The following LNP1 variants were observed in gnomAD, a reference collection of about 807,000 sequenced individuals.
LNP1 encodes the protein leukemia NUP98 fusion partner 1.
In LNP1, 12 loss-of-function variants were observed where a neutral mutation model predicts 14.5. The ratio of observed to expected loss-of-function variants is 0.83; its 90% CI spans 0.53 to 1.34. The LOEUF (loss-of-function observed/expected upper bound fraction) is 1.34. LNP1 is among the 40% of genes most tolerant of loss of function. The pLI is 0.00. For synonymous variants in LNP1, 75 were observed against 71.4 expected, an observed-to-expected ratio of 1.05 and a Z score of -0.26; for missense variants, 198 against 210.9, an observed-to-expected ratio of 0.94 and a Z score of 0.38.
chr3:100,429,743 A>G lies in LNP1; in HGVS notation c.14A>G (p.Asp5Gly), dbSNP rs1707225501. Residue 5 changes from aspartate to glycine, a missense_variant, in exon 2 of 4, where the codon GAT becomes GGT. Physicochemically the swap from Asp to Gly is moderately conservative, Grantham distance 94 (BLOSUM62 -1). Transcript: ENST00000383693. MEHK[D>G]DDDDDVSFAK... Reference sequence around the variant, plus strand: ...CATCACCTTTACATGGAGCACAAAGATGATGATGATGATGATGTGTCTTTT... The same window carrying G: ...CATCACCTTTACATGGAGCACAAAGGTGATGATGATGATGATGTGTCTTTT... The G allele has an allele frequency of 1.3e-6, 2 of 1,597,214 alleles. No homozygotes were observed. Among genetic ancestry groups the G allele is most frequent in the Non-Finnish European group, 1.7e-6 (2 of 1,167,914 alleles).
In LNP1 at chr3:100,429,802, T is replaced by A. The variant is rs912072229; in HGVS notation, c.73T>A (p.Trp25Arg). 6.2e-7 allele frequency: 1 copy of A among 1,613,682 alleles called. No individual in the cohort carries two copies. The highest frequency in any genetic ancestry group is 8.5e-7 in the Non-Finnish European group (1 of 1,179,938). Residue 25 changes from tryptophan (W) to arginine (R), a missense_variant, in exon 2 of 4, where the codon TGG becomes AGG. By Grantham distance (101) the Trp-to-Arg change is moderately radical. Coordinates refer to ENST00000383693, the MANE Select transcript of LNP1 (RefSeq NM_001085451.2). Reference sequence around the variant, plus strand: ...GATGAGCAGCTTCTGGGGCCACAGCTGGAGAGAGGAGGATCAGAGAGGACT... The same window carrying A: ...GATGAGCAGCTTCTGGGGCCACAGCAGGAGAGAGGAGGATCAGAGAGGACT... ...KWMSSFWGHS[W>R]REEDQRGLRE...
At chr3:100,417,229 C>T (rs1008600947) in intron 1 of LNP1, among the ~76,000 whole-genome samples, 3 of 152,086 alleles carry the variant, frequency 2.0e-5, no homozygotes, top group African/African-American at 4.8e-5. Context: ...CTCTCCCTAT[C>T]TCTGCCCAGG....
chr3:100,408,459 C>T (rs770240129), intron 1 of LNP1, among the ~76,000 whole-genome samples: 32 of 152,238 alleles, frequency 2.1e-4, no homozygotes, highest in Admixed American at 8.5e-4. Flanking sequence ...CCAAAGCCCA[C>T]AGCTGCTGAG....
chr3:100,407,384 T>C (rs1463896905), intron 1 of LNP1, among the ~76,000 whole-genome samples: 1 of 152,196 alleles, frequency 6.6e-6, no homozygotes, highest in East Asian at 1.9e-4. Flanking sequence ...ACAGTCTTTT[T>C]TTTCCTTTAG....
rs1707508446 is a variant in LNP1 at position 100,456,103 on chromosome 3, C to T, written c.*177C>T. 1 of 571,546 alleles carries T rather than the reference C, an allele frequency of 1.7e-6. No individual in the cohort carries two copies. Among genetic ancestry groups the T allele is most frequent in the Admixed American group, 3.5e-5 (1 of 28,516 alleles). The allele number at this position is 571,546 out of a possible 1,614,324, so 35.4% of individuals were successfully genotyped here. A position where few individuals can be genotyped will look rare whatever the true frequency, so the allele number is the denominator to read the frequency against. ...AGGGTATGTAGCTGCTCCAAGATGA[C>T]TTGCATCATACCCCAATTACTGCTG... On this transcript the variant is annotated 3_prime_UTR_variant, in exon 4 of 4. Transcript: ENST00000383693.
intron 1 of LNP1, among the ~76,000 whole-genome samples, chr3:100,403,652 T>C (rs1706935747): frequency 1.3e-5 from 2 of 152,152 alleles, no homozygotes; most frequent in South Asian, 4.1e-4. Context: ...TTGGCCAAGC[T>C]GGTCTTGAAC....
At chr3:100,430,021 C>T in intron 2 of LNP1, 136 bp downstream of exon 2, 1 of 811,474 alleles carries the variant, frequency 1.2e-6, no homozygotes, top group Non-Finnish European at 1.9e-6. Flanking sequence ...TTCTCATACC[C>T]ACAGAAATCT....
At position 100,439,490 on chromosome 3, in the gene LNP1, T is replaced by G. The variant is rs529176408; in HGVS notation, c.156+9605T>G. ...TCTTCCATGGCAGTGGATCTGCCCA[T>G]GTGGTGCTCATCTCCAGGCAGAAAG... is the stretch of plus-strand genomic sequence containing the variant. On this transcript the variant is annotated intron_variant, in intron 2 of 3. Transcript: ENST00000383693. Among the ~76,000 whole-genome samples the G allele has an allele frequency of 3.3e-5, 5 of 152,312 alleles. No individual in the cohort carries two copies. In the East Asian group the frequency reaches 9.6e-4, roughly 29 times the overall value.
chr3:100,429,102 TTG>T (rs1284599604), intron 1 of LNP1, among the ~76,000 whole-genome samples: 3 of 152,374 alleles, frequency 2.0e-5, no homozygotes, highest in African/African-American at 7.2e-5. Context: ...TTACACGTAC[TTG>T]TATATTATTT....
chr3:100,454,424 A>G lies in LNP1; in HGVS notation c.388-1353A>G, dbSNP rs1285827960. Among the ~76,000 whole-genome samples the G allele has an allele frequency of 2.0e-5, 3 of 152,328 alleles. No homozygotes were observed. The East Asian group carries it at 5.8e-4, about 29-fold the overall frequency. The stretch of plus-strand genomic sequence containing the variant: ...ACTTTCCTAAGGCTAACTACATTAG[A>G]AAGTGTTCTTTTTCAGTAAATTTAA... On this transcript the variant is annotated intron_variant, in intron 3 of 3. Coordinates refer to ENST00000383693, the MANE Select transcript of LNP1 (RefSeq NM_001085451.2).
intron 1 of LNP1, among the ~76,000 whole-genome samples, chr3:100,413,926 C>T (rs941412388): frequency 2.6e-5 from 4 of 152,272 alleles, no homozygotes; most frequent in African/African-American, 9.6e-5. Flanking sequence ...CTAGTCTGTG[C>T]TTTTCCATCT....
intron 1 of LNP1, among the ~76,000 whole-genome samples, chr3:100,408,674 C>T (rs759619556): frequency 6.6e-6 from 1 of 152,154 alleles, no homozygotes; most frequent in Non-Finnish European, 1.5e-5. Context: ...GGCCTGAAGT[C>T]ATGGGTCATG....
intron 1 of LNP1, among the ~76,000 whole-genome samples, chr3:100,428,760 T>C (rs1707217123): frequency 6.6e-6 from 1 of 152,166 alleles, no homozygotes; most frequent in Admixed American, 6.6e-5. Context: ...TTTAAAAAAT[T>C]GTGACATGTT....
At chr3:100,407,060 ACTTTTAT>A (rs1197172107) in intron 1 of LNP1, among the ~76,000 whole-genome samples, 2 of 152,202 alleles carry the variant, frequency 1.3e-5, no homozygotes. Flanking sequence ...TAATTTTAAT[ACTTTTAT>A]CTTTTAGCCC....
chr3:100,408,033 C>T (rs1391807104), intron 1 of LNP1, among the ~76,000 whole-genome samples: 1 of 152,110 alleles, frequency 6.6e-6, no homozygotes, highest in Non-Finnish European at 1.5e-5. Flanking sequence ...GTTCTTTGAG[C>T]TTCTTTAAAA....
At chr3:100,434,341 GT>G (rs1436219525) in intron 2 of LNP1, among the ~76,000 whole-genome samples, 1 of 152,082 alleles carries the variant, frequency 6.6e-6, no homozygotes, top group African/African-American at 2.4e-5. Context: ...CCCATTGCTT[GT>G]TTCTGTCAGA....
intron 2 of LNP1, among the ~76,000 whole-genome samples, chr3:100,440,955 G>A (rs1031782184): frequency 6.6e-6 from 1 of 152,200 alleles, no homozygotes; most frequent in African/African-American, 2.4e-5. Context: ...AAAGATGAGG[G>A]AGTAGGGTTG....
At chr3:100,442,940 G>A (rs1707358135) in intron 2 of LNP1, among the ~76,000 whole-genome samples, 1 of 152,130 alleles carries the variant, frequency 6.6e-6, no homozygotes, top group Non-Finnish European at 1.5e-5. Context: ...GTCCTATGAA[G>A]AGAAAATAGG....
At chr3:100,450,974 C>T (rs1707432234) in intron 2 of LNP1, among the ~76,000 whole-genome samples, 1 of 152,192 alleles carries the variant, frequency 6.6e-6, no homozygotes, top group African/African-American at 2.4e-5. Flanking sequence ...CAGCGACTCT[C>T]TGGAGGGGGT....
Sources: allele counts gnomAD v4.1 joint callset (sites outside exome capture counted in the v4.1 genomes callset), GRCh38; gene constraint gnomAD v4.1.1; transcripts MANE v1.5; gene names NCBI Gene and HGNC (gene_info 2026-07-23, HGNC 2026-07-21).